Variants in CSMD1 observed in about 807,000 individuals in gnomAD.
CSMD1 encodes CUB and sushi domain-containing protein 1.
Under a neutral mutation model 417.5 loss-of-function variants are expected in CSMD1, and 213 were observed. That is an observed-to-expected ratio of 0.51 (90% CI 0.46 to 0.57). The LOEUF is 0.57. Among genes scored for constraint, CSMD1 ranks in the 20% least tolerant of loss-of-function variants. The pLI is 0.00. For missense variants in CSMD1, 6,923 were observed against 4,529.7 expected (o/e 1.53, Z -15.17); for synonymous variants, 2,862 against 1,736.8 (o/e 1.65, Z -16.11).
chr8:4,812,715 A>G (rs1224223869), intron 1 of CSMD1, among the ~76,000 whole-genome samples: 1 of 152,214 alleles, frequency 6.6e-6, no homozygotes, highest in African/African-American at 2.4e-5. Flanking sequence ...AAAAAATACT[A>G]TTAAAAGAAA....
At chr8:4,075,037 T>G (rs758884511) in intron 3 of CSMD1, among the ~76,000 whole-genome samples, 1 of 152,156 alleles carries the variant, frequency 6.6e-6, no homozygotes, top group Non-Finnish European at 1.5e-5. Flanking sequence ...ATAACCCCAG[T>G]ATGAATGATG....
At chr8:3,227,562 G>A (rs866342009) in intron 27 of CSMD1, among the ~76,000 whole-genome samples, 1 of 152,080 alleles carries the variant, frequency 6.6e-6, no homozygotes, top group Non-Finnish European at 1.5e-5. Context: ...ACAATAATAA[G>A]GGACTAGAAA....
At chr8:4,414,327 C>G (rs756931408) in intron 3 of CSMD1, among the ~76,000 whole-genome samples, 1 of 152,118 alleles carries the variant, frequency 6.6e-6, no homozygotes, top group Non-Finnish European at 1.5e-5. Context: ...TCCTGAAACC[C>G]GAAGAAAAGG....
Position 3,753,974 on chromosome 8 carries a change from G to C in CSMD1, c.887C>G (p.Ser296Cys), listed in dbSNP as rs770344245. 1.9e-6 allele frequency: 3 copies of C among 1,613,118 alleles called. No homozygotes were observed. The highest frequency in any genetic ancestry group is 1.7e-5 in the Admixed American group (1 of 59,958). ...SKNWLRLHFT[S>C]DSNHRRKGFN... Reference sequence around the variant, plus strand: ...TCCTTTGCGTCGGTGGTTGCTGTCAGAGGTGAAATGGAGTCGTAGCCAATT... The same window carrying C: ...TCCTTTGCGTCGGTGGTTGCTGTCACAGGTGAAATGGAGTCGTAGCCAATT... Residue 296 changes from serine (S) to cysteine (C), a missense_variant, in exon 6 of 70, where the codon TCT (serine) becomes TGT (cysteine). Ser to Cys is a moderately radical substitution (Grantham distance 112, BLOSUM62 -1). Transcript: ENST00000635120.
chr8:4,149,704 G>C (rs963276469), intron 3 of CSMD1, among the ~76,000 whole-genome samples: 1 of 152,190 alleles, frequency 6.6e-6, no homozygotes, highest in East Asian at 1.9e-4. Flanking sequence ...GAGTGATGCT[G>C]AGCTCCAACA....
At chr8:4,169,467 A>T (rs570465840) in intron 3 of CSMD1, among the ~76,000 whole-genome samples, 3 of 152,202 alleles carry the variant, frequency 2.0e-5, no homozygotes, top group African/African-American at 7.2e-5. Flanking sequence ...CATATCCCAA[A>T]TCTGACTCAA....
intron 2 of CSMD1, among the ~76,000 whole-genome samples, chr8:4,625,475 A>C (rs1381683971): frequency 3.3e-5 from 5 of 151,870 alleles, no homozygotes; most frequent in Admixed American, 2.6e-4. Flanking sequence ...CATCGTAAAT[A>C]CTCTGAATGA....
rs139217694 is a variant in CSMD1 at position 3,927,091 on chromosome 8, T to G, written c.818+70812A>C. ...ATTTAGTATTTATTGTAATTATCTT[T>G]AGGTATTATTATCGTTTTTAACTGA... On this transcript the variant is annotated intron_variant, in intron 5 of 69. Coordinates refer to ENST00000635120, the MANE Select transcript of CSMD1 (RefSeq NM_033225.6). 2.9e-3 allele frequency among the ~76,000 whole-genome samples: 446 copies of G among 152,090 alleles called. 5 individuals are homozygous for G. The highest frequency in any genetic ancestry group is 4.6e-3 in the Admixed American group (70 of 15,254).
chr8:4,735,024 C>A (rs532279173), intron 1 of CSMD1, among the ~76,000 whole-genome samples: 12 of 152,304 alleles, frequency 7.9e-5, no homozygotes, highest in Non-Finnish European at 1.5e-4. Context: ...TTTGAAATCA[C>A]ATCAAAATTG....
intron 1 of CSMD1, among the ~76,000 whole-genome samples, chr8:4,771,318 C>G (rs1796585248): frequency 6.6e-6 from 1 of 152,148 alleles, no homozygotes; most frequent in Admixed American, 6.6e-5. Context: ...AAAGTTTCTC[C>G]CAGCTGACAA....
chr8:4,443,193 G>A (rs1240179256), intron 2 of CSMD1, among the ~76,000 whole-genome samples: 3 of 152,150 alleles, frequency 2.0e-5, no homozygotes. Flanking sequence ...ATATTACTGA[G>A]TATACAAGAG....
At chr8:4,798,176 T>C (rs577768499) in intron 1 of CSMD1, among the ~76,000 whole-genome samples, 159 of 152,248 alleles carry the variant, frequency 1.0e-3, no homozygotes, top group Admixed American at 2.7e-3. Context: ...CCCCACCCAA[T>C]GACAGGCCCC....
intron 17 of CSMD1, 46 bp downstream of exon 17, chr8:3,396,148 C>G (rs368228909): frequency 1.3e-6 from 2 of 1,491,004 alleles, no homozygotes; most frequent in Non-Finnish European, 1.8e-6. Flanking sequence ...TTTAGTTCTC[C>G]CATGCATGCT....
chr8:3,591,666 G>A (rs1288023959), intron 8 of CSMD1, among the ~76,000 whole-genome samples: 2 of 152,148 alleles, frequency 1.3e-5, no homozygotes, highest in African/African-American at 4.8e-5. Context: ...ATCTGCTGAT[G>A]CAACCAATAG....
At chr8:4,157,790 A>C (rs930524650) in intron 3 of CSMD1, among the ~76,000 whole-genome samples, 5 of 152,090 alleles carry the variant, frequency 3.3e-5, no homozygotes, top group Non-Finnish European at 5.9e-5. Flanking sequence ...AGCTGGGTGA[A>C]CTTGCCCAGG....
chr8:4,531,942 C>T (rs1429469119), intron 2 of CSMD1, among the ~76,000 whole-genome samples: 1 of 150,460 alleles, frequency 6.6e-6, no homozygotes, highest in African/African-American at 2.4e-5. Flanking sequence ...TTCACACTCA[C>T]TCCAGAAAAG....
intron 3 of CSMD1, among the ~76,000 whole-genome samples, chr8:4,250,330 A>G (rs73188046): frequency 0.044 from 6,757 of 152,284 alleles, 213 homozygotes; most frequent in Non-Finnish European, 0.066. Flanking sequence ...TAGCTGTGCA[A>G]GCTATGAAGA....
At chr8:3,032,282 T>C (rs1300142711) in intron 50 of CSMD1, among the ~76,000 whole-genome samples, 1 of 151,992 alleles carries the variant, frequency 6.6e-6, no homozygotes, top group Non-Finnish European at 1.5e-5. Flanking sequence ...GTTTGAATAC[T>C]CTGTGACGTA....
intron 5 of CSMD1, among the ~76,000 whole-genome samples, chr8:3,817,804 T>C (rs1211634627): frequency 1.6e-4 from 24 of 152,078 alleles, no homozygotes; most frequent in Non-Finnish European, 2.9e-5. Context: ...GAATGTTTAA[T>C]AAGCACGTGC....
Sources: allele counts gnomAD v4.1 joint callset (sites outside exome capture counted in the v4.1 genomes callset), GRCh38; gene constraint gnomAD v4.1.1; transcripts MANE v1.5; gene names NCBI Gene and HGNC (gene_info 2026-07-23, HGNC 2026-07-21).